The following TXNRD1 variants were observed in gnomAD, a reference collection of about 807,000 sequenced individuals.
TXNRD1 encodes thioredoxin reductase 1, cytoplasmic.
A neutral mutation model predicts 80.3 loss-of-function variants in TXNRD1; 57 were observed. The ratio of observed to expected loss-of-function variants is 0.71; its 90% confidence interval spans 0.57 to 0.89. The LOEUF is 0.89. TXNRD1 is among the 40% of genes least tolerant of loss of function. The pLI is 0.00. For synonymous variants in TXNRD1, 291 were observed against 285.2 expected, an observed-to-expected ratio of 1.02 and a Z score of -0.20; for missense variants, 730 against 803.0, an observed-to-expected ratio of 0.91 and a Z score of 1.10.
chr12:104,291,409 C>T (rs1429042334), intron 4 of TXNRD1, among the ~76,000 whole-genome samples: 1 of 149,822 alleles, frequency 6.7e-6, no homozygotes, highest in Non-Finnish European at 1.5e-5. Flanking sequence ...CCATGTTGGT[C>T]AGGCTGGTCT....
chr12:104,282,214 G>A (rs959769849), intron 3 of TXNRD1, among the ~76,000 whole-genome samples: 1 of 152,204 alleles, frequency 6.6e-6, no homozygotes, highest in African/African-American at 2.4e-5. Flanking sequence ...GAGCTAGCAA[G>A]CTCTGGTGAG....
At position 104,326,399 on chromosome 12, in the gene TXNRD1, C is replaced by T; in HGVS notation, c.1361C>T (p.Thr454Ile). ...TGCACAAGAAAAATTGGCTTAGAAA[C>T]CGTAGGGGTGAAGATAAATGAAAAG... is the stretch of plus-strand genomic sequence containing the variant. Reference protein sequence around the residue: ...DACTRKIGLETVGVKINEKTG... With the variant: ...DACTRKIGLEIVGVKINEKTG... Residue 454 changes from threonine to isoleucine, a missense_variant, in exon 12 of 17, where the codon ACC (threonine) becomes ATC (isoleucine). Transcript: ENST00000525566. 6.3e-7 allele frequency: 1 copy of T among 1,590,148 alleles called. No homozygotes were observed. Among genetic ancestry groups the T allele is most frequent in the South Asian group, 1.2e-5 (1 of 85,530 alleles).
At chr12:104,286,989 G>C (rs1482807339) in intron 3 of TXNRD1, 15 of 1,281,656 alleles carry the variant, frequency 1.2e-5, no homozygotes, top group Non-Finnish European at 1.5e-5. Flanking sequence ...GTGGCTTCTC[G>C]TAGCCATTAG....
intron 10 of TXNRD1, among the ~76,000 whole-genome samples, 189 bp from the exon 11 acceptor site, chr12:104,325,148 T>G (rs538516370): frequency 6.6e-6 from 1 of 152,308 alleles, no homozygotes; most frequent in East Asian, 1.9e-4. Flanking sequence ...CAGACAACAT[T>G]GAGCAGCGAA....
At chr12:104,307,995 CTTTCT>C (rs2135797605) in intron 4 of TXNRD1, among the ~76,000 whole-genome samples, 1 of 148,800 alleles carries the variant, frequency 6.7e-6, no homozygotes, top group South Asian at 2.1e-4. Flanking sequence ...TTGCCCTTTT[CTTTCT>C]TTTTTTTTTT....
chr12:104,314,943 G>A (rs1314849578), intron 6 of TXNRD1, among the ~76,000 whole-genome samples: 8 of 151,756 alleles, frequency 5.3e-5, no homozygotes, highest in South Asian at 4.1e-4. Flanking sequence ...GGGTTTCACC[G>A]TTTTGGCCAG....
In TXNRD1 at chr12:104,348,355, A is replaced by T; in HGVS notation, c.1884A>T (p.Val628=). ...TTGTGCTTTCTCTTCCCCTGCAGGT[A>T]TTCACAACATTGTCTGTGACCAAGC... is the stretch of plus-strand genomic sequence containing the variant. ...TIGIHPVCAE[V]FTTLSVTKRS... Residue 628 remains valine, a splice_region_variant and synonymous_variant, in exon 17 of 17, where the codon GTA becomes GTT. Transcript: ENST00000525566. 6.2e-7 allele frequency: 1 copy of T among 1,614,002 alleles called. No individual in the cohort carries two copies.
intron 16 of TXNRD1, among the ~76,000 whole-genome samples, chr12:104,340,856 T>A (rs1241340491): frequency 6.6e-5 from 10 of 152,222 alleles, no homozygotes; most frequent in African/African-American, 2.4e-4. Context: ...AGTGAGTATA[T>A]TTAAAAATGT....
chr12:104,336,930 T>C (rs901947642), intron 15 of TXNRD1, among the ~76,000 whole-genome samples: 5 of 152,150 alleles, frequency 3.3e-5, no homozygotes, highest in East Asian at 1.9e-4. Context: ...GATACCATGC[T>C]ATTAACTATT....
chr12:104,267,698 TTTCTC>T (rs2033551590), intron 3 of TXNRD1, among the ~76,000 whole-genome samples: 3 of 38,482 alleles, frequency 7.8e-5, no homozygotes, highest in African/African-American at 2.9e-4. Context: ...TCTTTCTTTC[TTTCTC>T]TCTTTCTTTC....
intron 3 of TXNRD1, among the ~76,000 whole-genome samples, chr12:104,275,688 T>G (rs2033743710): frequency 6.6e-6 from 1 of 152,034 alleles, no homozygotes; most frequent in Admixed American, 6.6e-5. Flanking sequence ...CAGCCTTGAG[T>G]TAAGTTTTGA....
intron 3 of TXNRD1, among the ~76,000 whole-genome samples, chr12:104,270,661 A>T (rs968242943): frequency 4.6e-5 from 7 of 152,150 alleles, no homozygotes; most frequent in South Asian, 2.1e-4. Context: ...TATGGCCATT[A>T]TTTGATAGTA....
At chr12:104,218,017 T>A (rs1010457502) in intron 1 of TXNRD1, among the ~76,000 whole-genome samples, 1 of 151,748 alleles carries the variant, frequency 6.6e-6, no homozygotes, top group Admixed American at 6.6e-5. Flanking sequence ...GGAATATATA[T>A]ACACACACAC....
chr12:104,247,102 C>G (rs1307812128), intron 1 of TXNRD1, among the ~76,000 whole-genome samples: 1 of 152,118 alleles, frequency 6.6e-6, no homozygotes, highest in Non-Finnish European at 1.5e-5. Context: ...CAGAGTCTCA[C>G]GGTCGCCCAG....
chr12:104,302,888 CA>C (rs1462501795), intron 4 of TXNRD1, among the ~76,000 whole-genome samples: 4 of 152,148 alleles, frequency 2.6e-5, no homozygotes, highest in African/African-American at 9.7e-5. Flanking sequence ...CCATTAAATC[CA>C]ATGGGTAAAT....
At chr12:104,324,120 T>C (rs1175276475) in intron 10 of TXNRD1, among the ~76,000 whole-genome samples, 1 of 151,812 alleles carries the variant, frequency 6.6e-6, no homozygotes, top group Non-Finnish European at 1.5e-5. Flanking sequence ...TGAATAAGGG[T>C]GGAGGTGGGA....
intron 1 of TXNRD1, among the ~76,000 whole-genome samples, chr12:104,245,046 A>G (rs562129468): frequency 6.6e-6 from 1 of 152,354 alleles, no homozygotes; most frequent in South Asian, 2.1e-4. Context: ...CTAAAGCTAT[A>G]GCACTTTTAT....
chr12:104,253,020 A>G (rs2033162711), intron 2 of TXNRD1, among the ~76,000 whole-genome samples: 1 of 151,832 alleles, frequency 6.6e-6, no homozygotes, highest in Non-Finnish European at 1.5e-5. Flanking sequence ...TATTAAGTTT[A>G]ATTTTCTCTC....
intron 3 of TXNRD1, among the ~76,000 whole-genome samples, chr12:104,280,062 C>CAAAAAAAAAA (rs34627940): frequency 0.021 from 1,741 of 84,276 alleles, 96 homozygotes; most frequent in Non-Finnish European, 0.03. Flanking sequence ...GACTCTGTCT[C>CAAAAAAAAAA]AAAAAAAAAA....
Sources: allele counts gnomAD v4.1 joint callset (sites outside exome capture counted in the v4.1 genomes callset), GRCh38; gene constraint gnomAD v4.1.1; transcripts MANE v1.5; gene names NCBI Gene and HGNC (gene_info 2026-07-23, HGNC 2026-07-21).